The following PNPLA7 variants were observed in gnomAD, a reference collection of about 807,000 sequenced individuals.
PNPLA7 encodes patatin like domain 7, lysophospholipase.
In PNPLA7, 153 loss-of-function variants were observed where a neutral mutation model predicts 161.7. That is an observed-to-expected ratio of 0.95 (90% CI 0.83 to 1.08). The LOEUF is 1.08. PNPLA7 is among the 50% of genes least tolerant of loss of function. PNPLA7 has a pLI of 0.00. For missense variants in PNPLA7, 1,739 were observed against 1,856.6 expected, an observed-to-expected ratio of 0.94 and a Z score of 1.16; for synonymous variants, 809 against 782.1, an observed-to-expected ratio of 1.03 and a Z score of -0.57.
intron 8 of PNPLA7, among the ~76,000 whole-genome samples, chr9:137,527,386 C>G (rs1212719805): frequency 1.3e-5 from 2 of 151,956 alleles, no homozygotes; most frequent in African/African-American, 4.8e-5. Context: ...ACGATGTTTG[C>G]TTTCATTTTT....
chr9:137,506,197 C>G, intron 12 of PNPLA7, 114 bp from the exon 13 acceptor site: 3 of 794,016 alleles, frequency 3.8e-6, no homozygotes, highest in East Asian at 2.7e-5. Flanking sequence ...GCAGCTCCCT[C>G]GAGGGAGTCG....
chr9:137,460,288 G>T lies in PNPLA7; in HGVS notation c.*105C>A. The stretch of plus-strand genomic sequence containing the variant: ...AGCCTGGGGCCCCGGGGAAGTCAGG[G>T]CTTCCAGCAGGGCAGGTACAGAGGC... On this transcript the variant is annotated 3_prime_UTR_variant, in exon 35 of 35. Transcript: ENST00000406427. The T allele has an allele frequency of 8.3e-7, 1 of 1,198,332 alleles. No individual in the cohort carries two copies. Among genetic ancestry groups the T allele is most frequent in the Non-Finnish European group, 1.2e-6 (1 of 859,748 alleles). 74.2% of individuals were successfully genotyped at this position (1,198,332 alleles called of 1,614,324 possible). A position where few individuals can be genotyped will look rare whatever the true frequency, so the allele number is the denominator to read the frequency against.
intron 12 of PNPLA7, among the ~76,000 whole-genome samples, chr9:137,514,089 C>CCTGTGGCCGGGCT (rs1834377793): frequency 1.3e-5 from 2 of 151,820 alleles, no homozygotes; most frequent in African/African-American, 4.8e-5. Flanking sequence ...GTGCCCGGGC[C>CCTGTGGCCGGGCT]CTGTGGCCGG....
intron 9 of PNPLA7, among the ~76,000 whole-genome samples, chr9:137,521,971 T>C (rs2132486191): frequency 6.6e-6 from 1 of 152,280 alleles, no homozygotes; most frequent in East Asian, 1.9e-4. Context: ...CTAAAGTTAC[T>C]CCAAAGTGAG....
Position 137,541,529 on chromosome 9 carries a change from C to T in PNPLA7, c.667-807G>A, listed in dbSNP as rs138636307. On this transcript the variant is annotated intron_variant, in intron 7 of 34. Transcript: ENST00000406427. This position sits in a 1 kb window ranked among gnomAD's most constrained non-coding sequence, Gnocchi z 4.4. ...TCCCGGGACCACAGCTGGCAGGAGCCCTGCAGGTCAGGGTGATGATCACAC... is the reference window on the plus strand; with the variant it reads ...TCCCGGGACCACAGCTGGCAGGAGCTCTGCAGGTCAGGGTGATGATCACAC... The T allele has an allele frequency of 0.019, 18,940 of 982,876 alleles. 217 individuals carry two copies. The highest frequency in any genetic ancestry group is 0.058 in the Middle Eastern group (111 of 1,912). The allele number at this position is 982,876 out of a possible 1,614,324, so 60.9% of individuals were successfully genotyped here.
At chr9:137,536,912 A>T (rs936616726) in intron 8 of PNPLA7, among the ~76,000 whole-genome samples, 22 of 147,956 alleles carry the variant, frequency 1.5e-4, no homozygotes, top group African/African-American at 5.6e-4. Context: ...ATCTCCCACG[A>T]CAGGAAGCAT....
intron 20 of PNPLA7, among the ~76,000 whole-genome samples, chr9:137,489,955 T>A (rs1162040166): frequency 1.3e-5 from 2 of 152,320 alleles, no homozygotes; most frequent in East Asian, 3.9e-4. Context: ...ACATATAGAC[T>A]GAACACTTCC....
chr9:137,525,532 G>A (rs544080459), intron 8 of PNPLA7, among the ~76,000 whole-genome samples: 4 of 152,292 alleles, frequency 2.6e-5, no homozygotes, highest in South Asian at 2.1e-4. Context: ...TTTGGTAGCC[G>A]AGGCGGAGAG....
chr9:137,548,338 C>T (rs1414213273), intron 1 of PNPLA7, among the ~76,000 whole-genome samples: 1 of 152,186 alleles, frequency 6.6e-6, no homozygotes, highest in Non-Finnish European at 1.5e-5. Context: ...AGCCAGGAAC[C>T]GGATAGGGCA....
At chr9:137,519,177 T>C (rs955668867) in intron 11 of PNPLA7, among the ~76,000 whole-genome samples, 1 of 152,266 alleles carries the variant, frequency 6.6e-6, no homozygotes, top group Non-Finnish European at 1.5e-5. Context: ...TGTTAGTCAC[T>C]TCAATTCTTT....
chr9:137,521,742 T>TGACCACCGGCCTGGGGTACAGGGCG, intron 9 of PNPLA7, 26 bp from the exon 10 acceptor site: 1 of 1,601,372 alleles, frequency 6.2e-7, no homozygotes. Context: ...AGCTGCGCGG[T>TGACCACCGGCCTGGGGTACAGGGCG]GACCACCGGC....
chr9:137,505,107 G>C (rs1472477186), intron 14 of PNPLA7, among the ~76,000 whole-genome samples: 1 of 135,822 alleles, frequency 7.4e-6, no homozygotes, highest in African/African-American at 2.8e-5. Flanking sequence ...AGAATCGCTT[G>C]AATCCAAGAG....
chr9:137,531,606 C>T (rs1038164778), intron 8 of PNPLA7, among the ~76,000 whole-genome samples: 1 of 152,204 alleles, frequency 6.6e-6, no homozygotes, highest in Non-Finnish European at 1.5e-5. Flanking sequence ...ACGGAGAAAT[C>T]AACGGTGGTG....
chr9:137,525,547 TG>T (rs1471287967), intron 8 of PNPLA7, among the ~76,000 whole-genome samples: 26 of 152,030 alleles, frequency 1.7e-4, no homozygotes, highest in Non-Finnish European at 2.8e-4. Context: ...GGAGAGAGAA[TG>T]GGGACAGCTT....
In PNPLA7 at chr9:137,543,938, G is replaced by A; in HGVS notation, c.274-123C>T. 1 of 781,862 alleles carries A rather than the reference G, an allele frequency of 1.3e-6. No homozygotes were observed. Among genetic ancestry groups the A allele is most frequent in the Non-Finnish European group, 2.1e-6 (1 of 466,560 alleles). The allele number at this position is 781,862 out of a possible 1,614,324, so 48.4% of individuals were successfully genotyped here. On this transcript the variant is annotated intron_variant, in intron 4 of 34. Transcript: ENST00000406427. The surrounding 1 kb of genome is among the most constrained non-coding windows in gnomAD (Gnocchi z 6.9). ...TCCCACAGTCCCAGCTTCAGCTCCT[G>A]GGGTCTGGCTGTGCCATTTTCCCAC...
rs148868552 is a variant in PNPLA7, at chr9:137,504,157, GAGA to G, written c.1473+1454_1473+1456del. 1.4e-3 allele frequency among the ~76,000 whole-genome samples: 195 copies of G among 137,092 alleles called. 1 individual carries two copies. Among genetic ancestry groups the G allele is most frequent in the South Asian group, 3.9e-3 (16 of 4,072 alleles). 89.9% of individuals were successfully genotyped at this position (137,092 alleles called of 152,430 possible). On this transcript the variant is annotated intron_variant, in intron 14 of 34. Transcript: ENST00000406427. ...AGAAGAAAAAAGAAAGGAAGAAGAA[GAGA>G]AGAAGACGGAAGAAGAAGGAAGAAG...
chr9:137,503,028 A>C (rs1261756947), intron 14 of PNPLA7, among the ~76,000 whole-genome samples: 1 of 151,942 alleles, frequency 6.6e-6, no homozygotes, highest in Non-Finnish European at 1.5e-5. Context: ...TCACCTTCAC[A>C]TATTATTCCA....
chr9:137,485,458 T>C (rs529994524), intron 20 of PNPLA7, among the ~76,000 whole-genome samples: 5 of 152,096 alleles, frequency 3.3e-5, no homozygotes, highest in Admixed American at 1.3e-4. Context: ...TGAGGCCTCA[T>C]TGGAGTAAAC....
chr9:137,479,827 G>A (rs530522107), intron 23 of PNPLA7: 1 of 985,458 alleles, frequency 1.0e-6, no homozygotes, highest in East Asian at 1.1e-4. Context: ...CACAGCCTGG[G>A]GCCAGCGTCC....
Sources: allele counts gnomAD v4.1 joint callset (sites outside exome capture counted in the v4.1 genomes callset), GRCh38; gene constraint gnomAD v4.1.1; non-coding constraint Gnocchi (gnomAD v3.1); transcripts MANE v1.5; gene names NCBI Gene and HGNC (gene_info 2026-07-23, HGNC 2026-07-21).